ATAD2: variants seen among roughly 807,000 people sequenced by gnomAD.
The protein encoded by ATAD2 is ATPase family AAA domain containing 2, also known as ATPase family AAA domain-containing protein 2.
ATAD2 carries 62 observed loss-of-function variants against 168.9 expected under a neutral mutation model. That is an observed-to-expected ratio of 0.37 (90% CI 0.30 to 0.45). The LOEUF (loss-of-function observed/expected upper bound fraction) is 0.45, where lower values mean the gene tolerates loss of function less well. ATAD2 is among the 20% of genes least tolerant of loss of function. The pLI, the probability that ATAD2 is intolerant of heterozygous loss-of-function variation, is 1.00. For synonymous variants in ATAD2, 613 were observed against 571.6 expected (o/e 1.07, Z -1.03); for missense variants, 1,419 against 1,667.8 (o/e 0.85, Z 2.60).
chr8:123,369,944 C>CATT lies in ATAD2; in HGVS notation c.807_808insAAT (p.Asp269_Asp270insAsn). On this transcript the variant is annotated inframe_insertion, in exon 7 of 28. Coordinates refer to ENST00000287394, the MANE Select transcript of ATAD2 (RefSeq NM_014109.4). The stretch of plus-strand genomic sequence containing the variant: ...TCATCATCATCATCATCATCATCAT[C>CATT]GTCATCATCATCATCATCTTCATCA... 1 of 1,577,626 alleles carries CATT rather than the reference C, an allele frequency of 6.3e-7. No homozygotes were observed. The highest frequency in any genetic ancestry group is 8.7e-7 in the Non-Finnish European group (1 of 1,151,004).
intron 8 of ATAD2, among the ~76,000 whole-genome samples, chr8:123,363,113 T>G (rs1828872476): frequency 6.6e-6 from 1 of 152,192 alleles, no homozygotes; most frequent in South Asian, 2.1e-4. Context: ...AGAACTTTTC[T>G]GAGTCAGAGT....
At chr8:123,341,934 A>T (rs1828074413) in intron 19 of ATAD2, among the ~76,000 whole-genome samples, 1 of 152,096 alleles carries the variant, frequency 6.6e-6, no homozygotes, top group Non-Finnish European at 1.5e-5. Flanking sequence ...TACAAATACA[A>T]AATTAGCTGG....
intron 1 of ATAD2, among the ~76,000 whole-genome samples, chr8:123,387,402 C>T (rs558560824): frequency 2.6e-5 from 4 of 152,156 alleles, no homozygotes; most frequent in African/African-American, 7.2e-5. Flanking sequence ...GGTATTAAAC[C>T]GAAGTCATCT....
At chr8:123,347,932 C>A (rs761984012) in intron 15 of ATAD2, 1 of 508,870 alleles carries the variant, frequency 2.0e-6, no homozygotes, top group South Asian at 2.0e-5. Flanking sequence ...ATCTACTCTG[C>A]CCCTGATGGC....
At chr8:123,330,535 TG>T (rs1338920489) in intron 24 of ATAD2, among the ~76,000 whole-genome samples, 1 of 152,140 alleles carries the variant, frequency 6.6e-6, no homozygotes, top group African/African-American at 2.4e-5. Context: ...GCTAATTTTT[TG>T]TATTTTTAGT....
chr8:123,387,644 C>T (rs1052219254), intron 1 of ATAD2, among the ~76,000 whole-genome samples: 2 of 152,112 alleles, frequency 1.3e-5, no homozygotes, highest in African/African-American at 4.8e-5. Context: ...ACTTATAGTT[C>T]TTTAAAAGTG....
At chr8:123,396,812 CCT>C (rs1382733765), upstream of ATAD2, among the ~76,000 whole-genome samples, 8 of 152,228 alleles carry the variant, frequency 5.3e-5, no homozygotes, top group East Asian at 1.2e-3. Flanking sequence ...CCTCCCCACC[CCT>C]GTTGACACCT....
At chr8:123,378,960 T>A (rs1220591001) in intron 2 of ATAD2, among the ~76,000 whole-genome samples, 1 of 151,772 alleles carries the variant, frequency 6.6e-6, no homozygotes, top group African/African-American at 2.4e-5. Flanking sequence ...CCCAGATAAT[T>A]TTTTTATTTT....
chr8:123,359,729 A>G (rs1328199245), intron 9 of ATAD2, 44 bp from the exon 10 acceptor site: 2 of 1,306,480 alleles, frequency 1.5e-6, no homozygotes, highest in South Asian at 1.3e-5. Flanking sequence ...CCATCAACTC[A>G]CCCTCCTTCC....
chr8:123,342,291 G>A (rs1828087214), intron 19 of ATAD2: 1 of 152,024 alleles, frequency 6.6e-6, no homozygotes, highest in Non-Finnish European at 1.5e-5. Context: ...AATGTGAAAA[G>A]GCCTGGATCA....
chr8:123,400,586 A>G (rs766931718), upstream of ATAD2: 7 of 544,916 alleles, frequency 1.3e-5, no homozygotes, highest in East Asian at 4.2e-5. The surrounding 1 kb of genome is among the most constrained non-coding windows in gnomAD (Gnocchi z 4.5). Context: ...CTGACAGACT[A>G]CCTGATGAGC....
intron 1 of ATAD2, among the ~76,000 whole-genome samples, chr8:123,410,832 G>A (rs1489988428): frequency 1.3e-5 from 2 of 152,344 alleles, no homozygotes; most frequent in African/African-American, 4.8e-5. Flanking sequence ...CCGGCAGGGT[G>A]TCCGCTGTGC....
upstream of ATAD2, chr8:123,401,299 C>T (rs1243177605): frequency 1.5e-5 from 18 of 1,240,890 alleles, no homozygotes; most frequent in Non-Finnish European, 2.1e-5. Context: ...TTCCCATGAG[C>T]AGCTGCTGTG....
rs147786516 is a variant in ATAD2, at chr8:123,322,668, C to CTAAA, written c.4131+266_4131+269dup. Among the ~76,000 whole-genome samples, 19 of 151,830 alleles carry CTAAA rather than the reference C, an allele frequency of 1.3e-4. No homozygotes were observed. In the East Asian group the frequency reaches 1.9e-3, roughly 15 times the overall value. Reference sequence around the variant, plus strand: ...AGCCTGGGCGACAGAGACCCTGTCTCTAAATAAATAAATAAATAAACAAAC... The same window carrying CTAAA: ...AGCCTGGGCGACAGAGACCCTGTCTCTAAATAAATAAATAAATAAATAAACAAAC... On this transcript the variant is annotated intron_variant, in intron 27 of 27. Coordinates refer to ENST00000287394, the MANE Select transcript of ATAD2 (RefSeq NM_014109.4).
intron 19 of ATAD2, among the ~76,000 whole-genome samples, chr8:123,344,049 G>A (rs1563840381): frequency 6.6e-6 from 1 of 152,062 alleles, no homozygotes; most frequent in South Asian, 2.1e-4. Flanking sequence ...CTTTGATTCA[G>A]CTACAGCTAT....
chr8:123,323,631 C>T (rs938203256), intron 26 of ATAD2, among the ~76,000 whole-genome samples: 3 of 151,930 alleles, frequency 2.0e-5, no homozygotes, highest in African/African-American at 7.3e-5. Context: ...CAAAAACACA[C>T]CATTATAGTT....
chr8:123,405,381 C>T (rs1257720509), intron 1 of ATAD2, among the ~76,000 whole-genome samples: 3 of 151,530 alleles, frequency 2.0e-5, no homozygotes, highest in East Asian at 1.9e-4. Flanking sequence ...CTCAGCCTCC[C>T]GAGTAGCTGG....
At chr8:123,354,864 A>AAAAT (rs1554644338) in intron 13 of ATAD2, among the ~76,000 whole-genome samples, 4 of 64,714 alleles carry the variant, frequency 6.2e-5, no homozygotes, top group African/African-American at 3.5e-4. Flanking sequence ...AAAAAAAAAA[A>AAAAT]ATATATATAT....
intron 1 of ATAD2, among the ~76,000 whole-genome samples, chr8:123,414,152 A>T (rs1563874888): frequency 1.4e-5 from 2 of 145,192 alleles, no homozygotes; most frequent in Non-Finnish European, 3.0e-5. Flanking sequence ...ATGAAATCAG[A>T]TTTTTTTAAC....
Sources: gnomAD v4.1 joint callset for allele counts (sites outside exome capture counted in the v4.1 genomes callset) on GRCh38, gnomAD v4.1.1 for gene constraint, Gnocchi (gnomAD v3.1) non-coding constraint, MANE v1.5 for transcripts, NCBI Gene and HGNC (gene_info 2026-07-23, HGNC 2026-07-21) for gene names.